Variants in MAGI1 observed in about 807,000 individuals in gnomAD.
MAGI1 encodes membrane associated guanylate kinase, WW and PDZ domain containing 1, also known as membrane-associated guanylate kinase, WW and PDZ domain-containing protein 1.
Under a neutral mutation model 139.9 loss-of-function variants are expected in MAGI1, and 58 were observed. That is an observed-to-expected ratio of 0.41 (90% CI 0.34 to 0.52). The LOEUF is 0.52. Among genes scored for constraint, MAGI1 ranks in the 20% least tolerant of loss-of-function variants. MAGI1 has a pLI of 0.12. For synonymous variants in MAGI1, 812 were observed against 737.9 expected, an observed-to-expected ratio of 1.10 and a Z score of -1.63; for missense variants, 1,874 against 1,901.6, an observed-to-expected ratio of 0.99 and a Z score of 0.27.
chr3:65,390,518 C>T (rs368329566), intron 14 of MAGI1, among the ~76,000 whole-genome samples: 5 of 152,014 alleles, frequency 3.3e-5, no homozygotes, highest in African/African-American at 4.8e-5. Context: ...AATAAAAAGA[C>T]GTTAAACATG....
At chr3:65,518,471 A>C (rs1415579) in intron 2 of MAGI1, among the ~76,000 whole-genome samples, 18,494 of 152,156 alleles carry the variant, frequency 0.12, 2,445 homozygotes, top group East Asian at 0.73. Context: ...CGAGAAAATA[A>C]TCATTTGGAC....
At chr3:65,606,698 A>G (rs2082760080) in intron 2 of MAGI1, among the ~76,000 whole-genome samples, 1 of 152,044 alleles carries the variant, frequency 6.6e-6, no homozygotes, top group African/African-American at 2.4e-5. Context: ...TTGTATTTTC[A>G]GTAGAGATGG....
chr3:65,749,742 A>C (rs1387513316), intron 1 of MAGI1, among the ~76,000 whole-genome samples: 1 of 151,686 alleles, frequency 6.6e-6, no homozygotes, highest in African/African-American at 2.4e-5. Flanking sequence ...CTGTGGGCCA[A>C]TCATTCGTTA....
intron 1 of MAGI1, among the ~76,000 whole-genome samples, chr3:65,651,672 C>T (rs2085591336): frequency 6.6e-6 from 1 of 152,122 alleles, no homozygotes; most frequent in African/African-American, 2.4e-5. Context: ...AGACAGACAT[C>T]CCAGGCATGC....
chr3:65,622,024 A>T lies in MAGI1; in HGVS notation c.378T>A (p.Asp126Glu). ...CCCTTATGGTCTGCTGGAGCTCATG[A>T]TCAGGAGACCCCTTCTGGAATCGCT... ...LNQRFQKGSPDHELQQTIRDN... is the reference protein window; with the variant it reads ...LNQRFQKGSPEHELQQTIRDN... The change falls in exon 2 of 23, where the codon GAT becomes GAA. Residue 126 changes from aspartate to glutamate, a missense_variant. By Grantham distance (45) the Asp-to-Glu change is conservative (BLOSUM62 2). Coordinates refer to ENST00000402939, the MANE Select transcript of MAGI1 (RefSeq NM_001033057.2). 1 of 1,614,006 alleles carries T rather than the reference A, an allele frequency of 6.2e-7. No individual in the cohort carries two copies. The highest frequency in any genetic ancestry group is 8.5e-7 in the Non-Finnish European group (1 of 1,179,964).
chr3:65,361,044 T>G, intron 22 of MAGI1, 155 bp downstream of exon 22: 8 of 1,520,584 alleles, frequency 5.3e-6, no homozygotes, highest in Non-Finnish European at 7.1e-6. Context: ...GTGTAGAGAT[T>G]TCAGAACAAG....
intron 2 of MAGI1, among the ~76,000 whole-genome samples, chr3:65,584,505 A>G (rs891310217): frequency 2.0e-5 from 3 of 152,154 alleles, no homozygotes; most frequent in Non-Finnish European, 4.4e-5. Context: ...CAATTACTCA[A>G]AGATTTCACA....
intron 8 of MAGI1, among the ~76,000 whole-genome samples, chr3:65,440,766 T>C (rs6762815): frequency 0.68 from 103,459 of 151,430 alleles, 35,946 homozygotes; most frequent in East Asian, 0.95. Flanking sequence ...AACACTTAGA[T>C]GGCTACAAAA....
chr3:65,633,188 C>T (rs1393933717), intron 1 of MAGI1, among the ~76,000 whole-genome samples: 2 of 152,148 alleles, frequency 1.3e-5, no homozygotes, highest in Non-Finnish European at 1.5e-5. Flanking sequence ...AGCAGGTCCT[C>T]ATCTCTTGCT....
At chr3:65,710,098 G>T (rs1056801068) in intron 1 of MAGI1, among the ~76,000 whole-genome samples, 1 of 152,004 alleles carries the variant, frequency 6.6e-6, no homozygotes, top group Non-Finnish European at 1.5e-5. Context: ...ATGTTAAGAG[G>T]TTACTCCCCA....
At position 65,356,593 on chromosome 3, in the gene MAGI1, G is replaced by A. The variant is rs1243940745; in HGVS notation, c.4174C>T (p.Pro1392Ser). 1.3e-6 allele frequency: 2 copies of A among 1,597,394 alleles called. No homozygotes were observed. Among genetic ancestry groups the A allele is most frequent in the Non-Finnish European group, 1.7e-6 (2 of 1,172,450 alleles). ...RSPERRRGGSPERRAKSTDRR... is the reference protein window; with the variant it reads ...RSPERRRGGSSERRAKSTDRR... ...TCGGTGGACTTGGCCCTGCGCTCGGGCGAGCCCCCTCTCCTGCGCTCGGGG... is the reference window on the plus strand; with the variant it reads ...TCGGTGGACTTGGCCCTGCGCTCGGACGAGCCCCCTCTCCTGCGCTCGGGG... Residue 1392 changes from proline to serine, a missense_variant, in exon 23 of 23, where the codon CCC becomes TCC. Physicochemically the swap from Pro to Ser is moderately conservative, Grantham distance 74. Around this residue, in one of 5 missense-constraint regions of MAGI1, gnomAD observed 653 missense variants for 644.5 expected, o/e 1.01. Transcript: ENST00000402939.
intron 1 of MAGI1, among the ~76,000 whole-genome samples, chr3:65,645,922 T>C (rs1262626340): frequency 6.6e-6 from 1 of 151,596 alleles, no homozygotes; most frequent in Non-Finnish European, 1.5e-5. Context: ...CTCAAAAACA[T>C]TATAGATAAA....
chr3:65,356,530 G>T lies in MAGI1; in HGVS notation c.4237C>A (p.Arg1413=). The change falls in exon 23 of 23, where the codon CGG becomes AGG. Residue 1413 remains arginine, a synonymous_variant. Coordinates refer to ENST00000402939, the MANE Select transcript of MAGI1 (RefSeq NM_001033057.2). ...TCTCTGTTCCTTTTGTCCAGGGACC[G>T]CTCTCTCCTGCGCTCGGGGGAGCGT... is the stretch of plus-strand genomic sequence containing the variant. ...RARSPERRRE[R]SLDKRNREDR... is the part of the protein sequence containing the mutation. 6.2e-7 allele frequency: 1 copy of T among 1,610,324 alleles called. No homozygotes were observed. Among genetic ancestry groups the T allele is most frequent in the Non-Finnish European group, 8.5e-7 (1 of 1,179,904 alleles).
At chr3:65,908,726 A>G (rs2108658705) in intron 1 of MAGI1, among the ~76,000 whole-genome samples, 1 of 152,144 alleles carries the variant, frequency 6.6e-6, no homozygotes, top group African/African-American at 2.4e-5. Flanking sequence ...GGATATTAGG[A>G]CTCCCTGGCC....
intron 1 of MAGI1, among the ~76,000 whole-genome samples, chr3:66,031,018 A>G (rs1270097400): frequency 6.6e-6 from 1 of 152,262 alleles, no homozygotes; most frequent in Non-Finnish European, 1.5e-5. Flanking sequence ...TGAAACAACA[A>G]AATGAATTCA....
intron 18 of MAGI1, among the ~76,000 whole-genome samples, chr3:65,373,766 G>A (rs1341131205): frequency 1.3e-5 from 2 of 152,180 alleles, no homozygotes; most frequent in African/African-American, 2.4e-5. Context: ...TTGGTGGAAT[G>A]AACTCCAGAC....
At chr3:65,378,050 C>G (rs1441425359) in intron 17 of MAGI1, among the ~76,000 whole-genome samples, 2 of 152,194 alleles carry the variant, frequency 1.3e-5, no homozygotes, top group Non-Finnish European at 2.9e-5. Context: ...CAGCCCTTCC[C>G]CTTCTCCCAT....
At chr3:65,413,869 A>G (rs1232341672) in intron 12 of MAGI1, among the ~76,000 whole-genome samples, 11 of 152,222 alleles carry the variant, frequency 7.2e-5, no homozygotes, top group African/African-American at 2.4e-4. Context: ...AAAATGCAAG[A>G]ACTGTGAGGC....
chr3:65,529,194 T>C (rs1199189765), intron 2 of MAGI1, among the ~76,000 whole-genome samples: 1 of 152,158 alleles, frequency 6.6e-6, no homozygotes, highest in Non-Finnish European at 1.5e-5. Flanking sequence ...GAGTAGATAC[T>C]TTTCACATTT....
Sources: gnomAD v4.1 joint callset for allele counts (sites outside exome capture counted in the v4.1 genomes callset) on GRCh38, gnomAD v4.1.1 for gene constraint, gnomAD v4.1.1 regional missense constraint, MANE v1.5 for transcripts, NCBI Gene and HGNC (gene_info 2026-07-23, HGNC 2026-07-21) for gene names.